The following RBM6 variants were observed in gnomAD, a reference collection of about 807,000 sequenced individuals.
The protein encoded by RBM6 is RNA binding motif protein 6, also known as RNA-binding protein 6.
RBM6 carries 23 observed loss-of-function variants against 140.4 expected under a neutral mutation model. The ratio of observed to expected loss-of-function variants is 0.16; its 90% CI spans 0.12 to 0.23. The LOEUF (loss-of-function observed/expected upper bound fraction) is 0.23, where lower values mean the gene tolerates loss of function less well. Among genes scored for constraint, RBM6 ranks in the 10% least tolerant of loss-of-function variants. RBM6 has a pLI of 1.00. For synonymous variants in RBM6, 439 were observed against 475.6 expected, an observed-to-expected ratio of 0.92 and a Z score of 1.00; for missense variants, 1,139 against 1,386.7, an observed-to-expected ratio of 0.82 and a Z score of 2.84.
Position 49,969,329 on chromosome 3 carries a change from T to G in RBM6, c.1323+581T>G, listed in dbSNP as rs367989773. ...TGAGCCACCGTGCCTGGCCAGTTTT[T>G]TTTTTTTTTTTTCATTTTATTTTTA... On this transcript the variant is annotated intron_variant, in intron 3 of 20. Transcript: ENST00000266022. Among the ~76,000 whole-genome samples the G allele has an allele frequency of 8.0e-5, 12 of 150,492 alleles. No homozygotes were observed. The East Asian group carries it at 1.7e-3, about 22-fold the overall frequency.
chr3:50,058,294 C>G, intron 9 of RBM6, 108 bp from the exon 10 acceptor site: 4 of 1,254,234 alleles, frequency 3.2e-6, no homozygotes, highest in Non-Finnish European at 4.5e-6. Flanking sequence ...ACAGAACCAG[C>G]CTTGCTAGTA....
intron 6 of RBM6, among the ~76,000 whole-genome samples, chr3:50,009,006 G>A (rs905735512): frequency 5.3e-5 from 8 of 152,212 alleles, no homozygotes; most frequent in Non-Finnish European, 1.0e-4. Flanking sequence ...GTAGTAAAGG[G>A]TGATTCATAA....
chr3:50,066,599 G>A (rs930725708), intron 17 of RBM6, 97 bp downstream of exon 17: 209 of 1,427,446 alleles, frequency 1.5e-4, no homozygotes, highest in Admixed American at 2.4e-4. Context: ...AGGCCGAGGC[G>A]GGTGGATTGC....
At chr3:49,961,770 G>T (rs1370012854) in intron 1 of RBM6, among the ~76,000 whole-genome samples, 5 of 150,932 alleles carry the variant, frequency 3.3e-5, no homozygotes, top group Admixed American at 3.3e-4. Context: ...CTGGACTCCA[G>T]CCTGGGCGAC....
chr3:50,015,794 A>G (rs529778003), intron 6 of RBM6, among the ~76,000 whole-genome samples: 2 of 152,284 alleles, frequency 1.3e-5, no homozygotes, highest in South Asian at 2.1e-4. Context: ...GTTATGATAC[A>G]TGTGCACATT....
chr3:50,007,503 G>C (rs1419718016), intron 6 of RBM6, among the ~76,000 whole-genome samples: 1 of 150,480 alleles, frequency 6.6e-6, no homozygotes, highest in Non-Finnish European at 1.5e-5. Context: ...AGGAGTTTCT[G>C]CTGCCTTAGC....
At chr3:49,940,711 TCGGGGCGGTA>T (rs1396343763) in intron 1 of RBM6, 2 of 153,950 alleles carry the variant, frequency 1.3e-5, no homozygotes, top group African/African-American at 4.8e-5. Context: ...AGCCCGGTCG[TCGGGGCGGTA>T]GAACCTGGAA....
At chr3:50,018,909 G>A (rs2087332045) in intron 6 of RBM6, among the ~76,000 whole-genome samples, 1 of 151,956 alleles carries the variant, frequency 6.6e-6, no homozygotes, top group Non-Finnish European at 1.5e-5. Context: ...GTTTAATTTT[G>A]TAAGAAACTG....
chr3:49,949,459 C>T (rs889369865), intron 1 of RBM6, among the ~76,000 whole-genome samples: 4 of 151,926 alleles, frequency 2.6e-5, no homozygotes, highest in South Asian at 2.1e-4. Flanking sequence ...GTGGTGTGAT[C>T]GCAGCTCATT....
At chr3:49,961,484 C>T (rs1024418424) in intron 1 of RBM6, among the ~76,000 whole-genome samples, 1 of 151,910 alleles carries the variant, frequency 6.6e-6, no homozygotes, top group Non-Finnish European at 1.5e-5. Context: ...TGCCCGACCC[C>T]AGAGTACACA....
intron 17 of RBM6, 46 bp from the exon 18 acceptor site, chr3:50,068,644 C>A (rs778573429): frequency 1.3e-6 from 2 of 1,565,288 alleles, no homozygotes; most frequent in South Asian, 1.1e-5. Context: ...ATCTCTAGGA[C>A]CATTGTTTCT....
chr3:49,968,770 C>CCT (rs2084630300), intron 3 of RBM6, 22 bp downstream of exon 3: 8 of 700,100 alleles, frequency 1.1e-5, no homozygotes, highest in African/African-American at 2.9e-5. Context: ...GGGTGGATTG[C>CCT]TTTTTTTTTT....
intron 3 of RBM6, 22 bp downstream of exon 3, chr3:49,968,770 CTTTTTTTTTTTTTT>C (rs569224640): frequency 8.7e-4 from 609 of 698,960 alleles, no homozygotes; most frequent in Middle Eastern, 2.6e-3. Flanking sequence ...GGGTGGATTG[CTTTTTTTTTTTTTT>C]TTTTTTTTTT....
At chr3:50,015,331 C>T (rs980211365) in intron 6 of RBM6, among the ~76,000 whole-genome samples, 3 of 151,054 alleles carry the variant, frequency 2.0e-5, no homozygotes, top group African/African-American at 7.3e-5. Flanking sequence ...TGGTCTCAAA[C>T]TCCTGACCTT....
chr3:49,951,395 ATG>A (rs111957480), intron 1 of RBM6, among the ~76,000 whole-genome samples: 4 of 149,656 alleles, frequency 2.7e-5, no homozygotes, highest in South Asian at 2.1e-4. Flanking sequence ...GTGTGTGTAT[ATG>A]TGTGTGTGTG....
At chr3:50,075,895 G>T (rs533563507) in intron 20 of RBM6, among the ~76,000 whole-genome samples, 3 of 152,016 alleles carry the variant, frequency 2.0e-5, no homozygotes, top group African/African-American at 7.3e-5. Flanking sequence ...TGGTATTAAA[G>T]CCTGTATCTT....
chr3:49,951,778 A>G (rs1198373587), intron 1 of RBM6, among the ~76,000 whole-genome samples: 3 of 151,894 alleles, frequency 2.0e-5, no homozygotes, highest in African/African-American at 7.2e-5. Context: ...GCTGGAGTGC[A>G]GTGGCACAAA....
intron 15 of RBM6, among the ~76,000 whole-genome samples, chr3:50,063,823 C>G (rs1219608384): frequency 6.6e-6 from 1 of 151,654 alleles, no homozygotes. Flanking sequence ...ATCTCTTGAA[C>G]CTGAGAGGCA....
At chr3:49,962,010 A>T (rs1045973875) in intron 1 of RBM6, among the ~76,000 whole-genome samples, 2 of 151,824 alleles carry the variant, frequency 1.3e-5, no homozygotes, top group African/African-American at 4.8e-5. Flanking sequence ...CAAAAAAATT[A>T]GCTGGGCGGC....
Sources: allele counts gnomAD v4.1 joint callset (sites outside exome capture counted in the v4.1 genomes callset), GRCh38; gene constraint gnomAD v4.1.1; transcripts MANE v1.5; gene names NCBI Gene and HGNC (gene_info 2026-07-23, HGNC 2026-07-21).